SLC35F3: variants seen among roughly 807,000 people sequenced by gnomAD.
The protein encoded by SLC35F3 is solute carrier family 35 member F3, also known as putative thiamine transporter SLC35F3.
In SLC35F3, 25 loss-of-function variants were observed where a neutral mutation model predicts 49.9. The observed-to-expected ratio is 0.50, with a 90% CI of 0.37 to 0.70. SLC35F3 has a LOEUF of 0.70. SLC35F3 is among the 30% of genes least tolerant of loss of function. The pLI is 0.00. For synonymous variants in SLC35F3, 275 were observed against 265.4 expected (o/e 1.04, Z -0.35); for missense variants, 525 against 639.8 (o/e 0.82, Z 1.94).
rs1460400691 is a variant in SLC35F3 at position 234,320,052 on chromosome 1, C to T, written c.1148-46C>T. ...GATAGGCCAGCAGGGAGGTAAAGTA[C>T]ACAGCAGTCATGAATAACACTCGTT... is the stretch of plus-strand genomic sequence containing the variant. On this transcript the variant is annotated intron_variant, in intron 6 of 7. Transcript: ENST00000366618. This position sits in a 1 kb window ranked among gnomAD's most constrained non-coding sequence, Gnocchi z 4.8. 4.4e-6 allele frequency: 6 copies of T among 1,360,460 alleles called. No homozygotes were observed. The highest frequency in any genetic ancestry group is 1.7e-5 in the Admixed American group (1 of 59,664). The allele number at this position is 1,360,460 out of a possible 1,614,324, so 84.3% of individuals were successfully genotyped here.
At position 234,320,134 on chromosome 1, in the gene SLC35F3, C is replaced by T. The variant is rs1558109704; in HGVS notation, c.1184C>T (p.Thr395Ile). The change falls in exon 7 of 8, where the codon ACA becomes ATA. Residue 395 changes from threonine (T) to isoleucine (I), a missense_variant. Physicochemically the swap from Thr to Ile is moderately conservative, Grantham distance 89. Coordinates refer to ENST00000366618, the MANE Select transcript of SLC35F3 (RefSeq NM_173508.4). The surrounding 1 kb of genome is among the most constrained non-coding windows in gnomAD (Gnocchi z 4.8). The stretch of plus-strand genomic sequence containing the variant: ...GTATTAAATTTTGGAATTGCCGTTA[C>T]ATATCCCACTCTGATGTCTCTTGGA... Reference protein sequence around the residue: ...NIVLNFGIAVTYPTLMSLGIV... With the variant: ...NIVLNFGIAVIYPTLMSLGIV... The T allele has an allele frequency of 1.2e-6, 2 of 1,613,714 alleles. No individual in the cohort carries two copies. Among genetic ancestry groups the T allele is most frequent in the Non-Finnish European group, 1.7e-6 (2 of 1,179,618 alleles).
intron 2 of SLC35F3, among the ~76,000 whole-genome samples, chr1:233,919,806 G>A (rs1383336807): frequency 2.0e-5 from 3 of 152,162 alleles, no homozygotes; most frequent in African/African-American, 4.8e-5. Flanking sequence ...GTGTGGGGAT[G>A]GGGAAGCCGT....
At chr1:234,077,065 C>T (rs892098160) in intron 2 of SLC35F3, among the ~76,000 whole-genome samples, 1 of 141,790 alleles carries the variant, frequency 7.1e-6, no homozygotes, top group Non-Finnish European at 1.5e-5. Context: ...ACTGCAGTGG[C>T]GCAATCTCGG....
chr1:233,916,579 G>A (rs1233236000), intron 2 of SLC35F3, among the ~76,000 whole-genome samples: 3 of 152,232 alleles, frequency 2.0e-5, no homozygotes, highest in South Asian at 2.1e-4. Flanking sequence ...CAGTGGGTAC[G>A]ATTTCAAAGT....
At chr1:233,969,753 G>A (rs189089935) in intron 2 of SLC35F3, among the ~76,000 whole-genome samples, 1 of 152,294 alleles carries the variant, frequency 6.6e-6, no homozygotes, top group African/African-American at 2.4e-5. Context: ...CTCACTTCAC[G>A]TGAGTTCCAT....
Position 234,018,839 on chromosome 1 carries a change from A to G in SLC35F3, c.283+113081A>G, listed in dbSNP as rs933014433. Among the ~76,000 whole-genome samples, 7 of 152,340 alleles carry G rather than the reference A, an allele frequency of 4.6e-5. No individual in the cohort carries two copies. The East Asian group carries it at 1.2e-3, about 25-fold the overall frequency. On this transcript the variant is annotated intron_variant, in intron 2 of 7. Transcript: ENST00000366618. ...TTGGGAAGTTCTCTAATTTTCCTAT[A>G]CATTTGTTTAAGCATCTATTTTCTT... is the stretch of plus-strand genomic sequence containing the variant.
chr1:234,319,047 C>T (rs1180355365), intron 6 of SLC35F3, 104 bp downstream of exon 6: 2 of 918,232 alleles, frequency 2.2e-6, no homozygotes, highest in Non-Finnish European at 3.3e-6. Context: ...CTTTGCTATT[C>T]TTTAGTTCTC....
intron 2 of SLC35F3, among the ~76,000 whole-genome samples, chr1:233,948,910 C>G (rs1662560413): frequency 6.6e-6 from 1 of 152,132 alleles, no homozygotes; most frequent in Non-Finnish European, 1.5e-5. Context: ...CAAGCATTTT[C>G]TAAGCTGGGA....
chr1:234,052,827 G>T (rs1391763487), intron 2 of SLC35F3, among the ~76,000 whole-genome samples: 2 of 152,204 alleles, frequency 1.3e-5, no homozygotes, highest in East Asian at 3.9e-4. Flanking sequence ...CAGAGATTCT[G>T]GTATGTTGTG....
At chr1:233,997,711 C>G (rs955896882) in intron 2 of SLC35F3, among the ~76,000 whole-genome samples, 2 of 151,954 alleles carry the variant, frequency 1.3e-5, no homozygotes, top group African/African-American at 4.8e-5. Flanking sequence ...ATATAATATT[C>G]TGAGTGGGAA....
chr1:233,923,040 G>C (rs1662092246), intron 2 of SLC35F3, among the ~76,000 whole-genome samples: 1 of 152,002 alleles, frequency 6.6e-6, no homozygotes, highest in Non-Finnish European at 1.5e-5. Flanking sequence ...ATGCTGTTTT[G>C]GTTACTGTAG....
Position 234,167,557 on chromosome 1 carries a change from T to C in SLC35F3, c.284-63860T>C, listed in dbSNP as rs72760009. On this transcript the variant is annotated intron_variant, in intron 2 of 7. Coordinates refer to ENST00000366618, the MANE Select transcript of SLC35F3 (RefSeq NM_173508.4). ...AGCTCCAGATTTCTCATCTCAAGAA[T>C]AATATTTGTAGGAGAGTCTTACCAC... Among the ~76,000 whole-genome samples the C allele has an allele frequency of 9.1e-3, 1,388 of 152,322 alleles. 19 individuals are homozygous for C. Among genetic ancestry groups the C allele is most frequent in the Non-Finnish European group, 8.5e-3 (576 of 68,016 alleles).
chr1:234,247,499 A>G (rs1667653255), intron 3 of SLC35F3, among the ~76,000 whole-genome samples: 1 of 145,892 alleles, frequency 6.9e-6, no homozygotes. Flanking sequence ...TGGCTGGTCC[A>G]TTGTTCAGTA....
At chr1:233,929,797 G>A (rs1275462091) in intron 2 of SLC35F3, among the ~76,000 whole-genome samples, 1 of 152,108 alleles carries the variant, frequency 6.6e-6, no homozygotes, top group African/African-American at 2.4e-5. Context: ...GACCACTCTG[G>A]TTTTCACTGG....
In SLC35F3 at chr1:234,099,546, G is replaced by A. The variant is rs187848439; in HGVS notation, c.284-131871G>A. Among the ~76,000 whole-genome samples, 526 of 147,408 alleles carry A rather than the reference G, an allele frequency of 3.6e-3. 3 individuals are homozygous for A. The highest frequency in any genetic ancestry group is 0.012 in the African/African-American group (477 of 39,878). On this transcript the variant is annotated intron_variant, in intron 2 of 7. Coordinates refer to ENST00000366618, the MANE Select transcript of SLC35F3 (RefSeq NM_173508.4). ...AATCGCTTGAACCCTGGAGGTGGAC[G>A]TTGCAGTGAGCTGAGATCGCGCCAC...
chr1:234,049,080 G>T (rs188518859), intron 2 of SLC35F3, among the ~76,000 whole-genome samples: 1 of 152,274 alleles, frequency 6.6e-6, no homozygotes, highest in Non-Finnish European at 1.5e-5. Context: ...TTGGGCTTTA[G>T]ACTTTAGAGT....
At chr1:234,159,081 A>T (rs1375128022) in intron 2 of SLC35F3, among the ~76,000 whole-genome samples, 4 of 152,180 alleles carry the variant, frequency 2.6e-5, no homozygotes, top group African/African-American at 9.7e-5. Context: ...TACCCAGAGC[A>T]TTATAGATGT....
At chr1:233,911,299 CA>C (rs1661869871) in intron 2 of SLC35F3, among the ~76,000 whole-genome samples, 1 of 152,080 alleles carries the variant, frequency 6.6e-6, no homozygotes, top group South Asian at 2.1e-4. Context: ...GTCAGGTCAG[CA>C]ATTCAAAAAT....
At chr1:234,294,342 G>A (rs1668558529) in intron 3 of SLC35F3, among the ~76,000 whole-genome samples, 1 of 152,306 alleles carries the variant, frequency 6.6e-6, no homozygotes, top group African/African-American at 2.4e-5. Context: ...GGCCAGCAGA[G>A]TAGGTGGGCA....
Sources: gnomAD v4.1 joint callset for allele counts (sites outside exome capture counted in the v4.1 genomes callset) on GRCh38, gnomAD v4.1.1 for gene constraint, Gnocchi (gnomAD v3.1) non-coding constraint, MANE v1.5 for transcripts, NCBI Gene and HGNC (gene_info 2026-07-23, HGNC 2026-07-21) for gene names.